The following TMEM164 variants were observed in gnomAD, a reference collection of about 807,000 sequenced individuals.
The protein encoded by TMEM164 is RP13-360B22.2.
In TMEM164, 4 loss-of-function variants were observed where a neutral mutation model predicts 18.8. The ratio of observed to expected loss-of-function variants is 0.21; its 90% CI spans 0.10 to 0.49. The LOEUF is 0.49. TMEM164 is among the 20% of genes least tolerant of loss of function. The pLI is 0.98. For synonymous variants in TMEM164, 86 were observed against 101.7 expected (o/e 0.85, Z 0.93); for missense variants, 108 against 239.9 (o/e 0.45, Z 3.63).
intron 2 of TMEM164, among the ~76,000 whole-genome samples, chrX:110,051,730 C>G (rs1447109327): frequency 8.9e-6 from 1 of 112,171 alleles, no homozygotes; most frequent in African/African-American, 3.2e-5. Flanking sequence ...GGAGGAACAG[C>G]AGCTTCATTC....
chrX:110,114,305 T>C (rs903749727), intron 4 of TMEM164, among the ~76,000 whole-genome samples: 2 of 111,843 alleles, frequency 1.8e-5, no homozygotes, highest in East Asian at 5.6e-4. Flanking sequence ...ATTCATCCCA[T>C]GTTAATGTCT....
At chrX:110,144,751 T>C (rs2066827984) in intron 4 of TMEM164, 47 bp from the exon 5 acceptor site, 1 of 1,105,859 alleles carries the variant, frequency 9.0e-7, no homozygotes, top group Non-Finnish European at 1.2e-6. Context: ...TCTGTTGAAA[T>C]GAATGCTTCC....
At chrX:110,099,352 C>T (rs1388686076) in intron 3 of TMEM164, among the ~76,000 whole-genome samples, 1 of 109,718 alleles carries the variant, frequency 9.1e-6, no homozygotes, top group Non-Finnish European at 1.9e-5. Flanking sequence ...AACTGAAGAT[C>T]ACAGATTTTT....
At chrX:110,124,524 A>G (rs2066503058) in intron 4 of TMEM164, among the ~76,000 whole-genome samples, 1 of 110,472 alleles carries the variant, frequency 9.1e-6, no homozygotes, top group Admixed American at 9.7e-5. Flanking sequence ...AAGAGTGATC[A>G]CTTCTGGGTC....
chrX:110,108,631 CTGTT>C (rs2066247472), intron 3 of TMEM164, among the ~76,000 whole-genome samples: 1 of 111,949 alleles, frequency 8.9e-6, no homozygotes, highest in Non-Finnish European at 1.9e-5. Flanking sequence ...GTTTAGGTCT[CTGTT>C]TGGGGAAAAG....
At chrX:110,018,114 C>T (rs966927979) in intron 2 of TMEM164, among the ~76,000 whole-genome samples, 4 of 111,826 alleles carry the variant, frequency 3.6e-5, no homozygotes, top group African/African-American at 1.3e-4. Flanking sequence ...TAACTGAGGC[C>T]ATCATTTCCT....
At chrX:110,017,444 T>TTCTTTCTCTC (rs1182465665) in intron 2 of TMEM164, among the ~76,000 whole-genome samples, 3 of 43,026 alleles carry the variant, frequency 7.0e-5, no homozygotes, top group Non-Finnish European at 8.7e-5. Flanking sequence ...CTTTCTTTCT[T>TTCTTTCTCTC]TCTCTCTCTC....
At chrX:110,141,008 G>A (rs1028620221) in intron 4 of TMEM164, among the ~76,000 whole-genome samples, 1 of 111,882 alleles carries the variant, frequency 8.9e-6, no homozygotes, top group African/African-American at 3.3e-5. Flanking sequence ...GGGCATCATG[G>A]TGCATGCCTA....
At chrX:110,155,249 CT>C (rs1298977025) in intron 5 of TMEM164, among the ~76,000 whole-genome samples, 1 of 111,188 alleles carries the variant, frequency 9.0e-6, no homozygotes, top group Non-Finnish European at 1.9e-5. Flanking sequence ...GGTTCTCCTA[CT>C]TCTCTGGTTC....
chrX:110,113,679 A>G (rs1170037694), intron 4 of TMEM164, among the ~76,000 whole-genome samples: 2 of 111,530 alleles, frequency 1.8e-5, no homozygotes, highest in African/African-American at 6.5e-5. Flanking sequence ...ACAGTCAGCT[A>G]AAGGATTTGG....
intron 2 of TMEM164, among the ~76,000 whole-genome samples, chrX:110,050,543 CTG>C (rs1271840848): frequency 3.6e-5 from 4 of 111,907 alleles, no homozygotes; most frequent in African/African-American, 1.3e-4. Flanking sequence ...AAGGCCAACT[CTG>C]TGGCTTTCAA....
At chrX:110,117,728 A>G (rs1273314793) in intron 4 of TMEM164, among the ~76,000 whole-genome samples, 1 of 112,595 alleles carries the variant, frequency 8.9e-6, no homozygotes, top group Non-Finnish European at 1.9e-5. Flanking sequence ...AGGACTATAA[A>G]GAAAAAGCTA....
At chrX:110,027,451 A>G (rs1934250545) in intron 2 of TMEM164, among the ~76,000 whole-genome samples, 1 of 111,710 alleles carries the variant, frequency 9.0e-6, no homozygotes, top group Non-Finnish European at 1.9e-5. Flanking sequence ...AGTATTTTAC[A>G]TGGTATTCTT....
intron 5 of TMEM164, among the ~76,000 whole-genome samples, chrX:110,156,726 C>T (rs942881655): frequency 9.0e-6 from 1 of 111,597 alleles, no homozygotes; most frequent in Non-Finnish European, 1.9e-5. Flanking sequence ...GGGCCTGTTC[C>T]TCCTAGATGG....
At position 110,138,559 on chromosome X, in the gene TMEM164, A is replaced by T. The variant is rs1341212013; in HGVS notation, c.508-6239A>T. ...TGTAGTATTTAGAGATGAGGGACAT[A>T]GGGGAAATTCAGCAAAGGAGATTGA... On this transcript the variant is annotated intron_variant, in intron 4 of 6. Coordinates refer to ENST00000372068, the MANE Select transcript of TMEM164 (RefSeq NM_032227.4). 2.7e-5 allele frequency among the ~76,000 whole-genome samples: 3 copies of T among 111,573 alleles called. No individual in the cohort carries two copies. In the Admixed American group the frequency reaches 2.9e-4, roughly 11 times the overall value.
intron 2 of TMEM164, among the ~76,000 whole-genome samples, chrX:110,033,955 T>TC (rs1265427484): frequency 4.6e-5 from 5 of 109,808 alleles, no homozygotes; most frequent in African/African-American, 1.0e-4. Context: ...AAATTTGTAT[T>TC]CCCCCCCGCC....
intron 2 of TMEM164, among the ~76,000 whole-genome samples, chrX:110,021,940 G>C (rs193297990): frequency 3.6e-5 from 4 of 111,729 alleles, no homozygotes; most frequent in Admixed American, 2.8e-4. Context: ...TTTGGGACTA[G>C]AAGTGGAGAT....
intron 4 of TMEM164, among the ~76,000 whole-genome samples, chrX:110,117,773 G>A (rs1004783524): frequency 8.9e-6 from 1 of 112,135 alleles, no homozygotes; most frequent in African/African-American, 3.2e-5. Context: ...GTTGCCTCAA[G>A]GGTAAATTGT....
intron 3 of TMEM164, among the ~76,000 whole-genome samples, chrX:110,104,011 G>A (rs2066149448): frequency 1.8e-5 from 2 of 111,683 alleles, no homozygotes; most frequent in South Asian, 3.7e-4. Context: ...TAGCCTAGAA[G>A]TATTGAAAAA....
Sources: gnomAD v4.1 joint callset for allele counts (sites outside exome capture counted in the v4.1 genomes callset) on GRCh38, gnomAD v4.1.1 for gene constraint, MANE v1.5 for transcripts, NCBI Gene and HGNC (gene_info 2026-07-23, HGNC 2026-07-21) for gene names.